The following NBEAL1 variants were observed in gnomAD, a reference collection of about 807,000 sequenced individuals.
NBEAL1 encodes neurobeachin like 1, also known as neurobeachin-like protein 1.
A neutral mutation model predicts 351.3 loss-of-function variants in NBEAL1; 273 were observed. The ratio of observed to expected loss-of-function variants is 0.78; its 90% CI spans 0.70 to 0.86. NBEAL1 has a LOEUF of 0.86. NBEAL1 is among the 40% of genes least tolerant of loss of function. The pLI is 0.00. For missense variants in NBEAL1, 2,961 were observed against 3,201.3 expected, an observed-to-expected ratio of 0.92 and a Z score of 1.81; for synonymous variants, 1,050 against 1,086.4, an observed-to-expected ratio of 0.97 and a Z score of 0.66.
intron 12 of NBEAL1, among the ~76,000 whole-genome samples, chr2:203,105,536 T>C (rs2062418355): frequency 6.6e-6 from 1 of 152,142 alleles, no homozygotes; most frequent in African/African-American, 2.4e-5. Flanking sequence ...TTGAAAGGTC[T>C]GCTGTTAGCC....
chr2:203,132,237 C>T, intron 26 of NBEAL1, 105 bp downstream of exon 26: 1 of 743,624 alleles, frequency 1.3e-6, no homozygotes. Context: ...TTATTTGATT[C>T]AGCAGGGCCT....
At chr2:203,104,175 A>G (rs763845820) in intron 12 of NBEAL1, among the ~76,000 whole-genome samples, 15 of 152,072 alleles carry the variant, frequency 9.9e-5, no homozygotes, top group East Asian at 1.9e-4. Context: ...TTCTACCTCA[A>G]TGATCTGTCC....
intron 3 of NBEAL1, among the ~76,000 whole-genome samples, chr2:203,048,190 T>G (rs933959122): frequency 1.4e-4 from 21 of 152,012 alleles, no homozygotes; most frequent in Non-Finnish European, 2.9e-4. Context: ...GAGACCATCC[T>G]GGCCAACATG....
chr2:203,065,484 G>A (rs2061567507), intron 6 of NBEAL1, among the ~76,000 whole-genome samples: 1 of 152,188 alleles, frequency 6.6e-6, no homozygotes, highest in African/African-American at 2.4e-5. Flanking sequence ...GGGGCGCGGT[G>A]GCTCACGCCT....
At chr2:203,194,196 G>A (rs1198872029) in intron 47 of NBEAL1, among the ~76,000 whole-genome samples, 3 of 152,064 alleles carry the variant, frequency 2.0e-5, no homozygotes, top group African/African-American at 7.2e-5. Context: ...TGTGACAATC[G>A]AGATGATATG....
intron 51 of NBEAL1, among the ~76,000 whole-genome samples, chr2:203,207,342 C>G (rs1255245548): frequency 2.0e-5 from 3 of 152,026 alleles, no homozygotes; most frequent in African/African-American, 7.2e-5. Flanking sequence ...TGAGGGGCGC[C>G]TCTGCCCGGC....
rs761928361 is a variant in NBEAL1 at position 203,108,079 on chromosome 2, C to A, written c.1840C>A (p.Gln614Lys). The A allele has an allele frequency of 3.2e-6, 5 of 1,552,104 alleles. No homozygotes were observed. The Admixed American group carries it at 7.8e-5, about 24-fold the overall frequency. Residue 614 changes from glutamine (Q) to lysine (K), a missense_variant, in exon 14 of 56, where the codon CAG becomes AAG. Transcript: ENST00000683969. ...GGCAGGAATTTCTGTGCCTCCCATA[C>A]AGAAATGGCCAGGGTCTGCCTTTTC... is the stretch of plus-strand genomic sequence containing the variant. ...SMAGISVPPI[Q>K]KWPGSAFSFS...
chr2:203,041,671 G>C, intron 2 of NBEAL1, 94 bp from the exon 3 acceptor site: 1 of 755,288 alleles, frequency 1.3e-6, no homozygotes, highest in Non-Finnish European at 2.2e-6. Context: ...AGATTTCATA[G>C]TATTGATTCT....
intron 3 of NBEAL1, among the ~76,000 whole-genome samples, chr2:203,046,053 G>A (rs919462105): frequency 6.6e-6 from 1 of 152,122 alleles, no homozygotes; most frequent in East Asian, 1.9e-4. Flanking sequence ...AATGGCTCAA[G>A]CCTATAATCC....
rs180974756 is a variant in NBEAL1, at chr2:203,119,334, G to T, written c.2593-2920G>T. Among the ~76,000 whole-genome samples, 37 of 151,288 alleles carry T rather than the reference G, an allele frequency of 2.4e-4. No individual in the cohort carries two copies. The Middle Eastern group carries it at 0.014, about 56-fold the overall frequency. ...AGGTCTCACTATGTTGCCTAGGCTG[G>T]TGTTGAACTCCTGGGCTCAAGTGAT... On this transcript the variant is annotated intron_variant, in intron 18 of 55. Coordinates refer to ENST00000683969, the MANE Select transcript of NBEAL1 (RefSeq NM_001378026.1).
At chr2:203,103,819 T>C (rs1178776412) in intron 12 of NBEAL1, among the ~76,000 whole-genome samples, 3 of 152,198 alleles carry the variant, frequency 2.0e-5, no homozygotes, top group Non-Finnish European at 2.9e-5. Flanking sequence ...TCTCATTAGT[T>C]TCAAATAATT....
intron 55 of NBEAL1, among the ~76,000 whole-genome samples, chr2:203,215,086 G>A (rs564930920): frequency 7.4e-4 from 113 of 152,180 alleles, no homozygotes; most frequent in African/African-American, 2.5e-3. Flanking sequence ...GGCCTGGTGC[G>A]GTGGCTCACA....
At chr2:203,027,068 T>G (rs1392651523) in intron 2 of NBEAL1, among the ~76,000 whole-genome samples, 1 of 152,136 alleles carries the variant, frequency 6.6e-6, no homozygotes, top group Non-Finnish European at 1.5e-5. Context: ...TATAATTCAG[T>G]TTTTTTGTGA....
chr2:203,116,657 G>T (rs1481447747), intron 18 of NBEAL1, among the ~76,000 whole-genome samples: 2 of 151,808 alleles, frequency 1.3e-5, no homozygotes, highest in South Asian at 2.1e-4. Context: ...AGTTTTAGTG[G>T]CATGCGCCTG....
chr2:203,071,952 C>T (rs375254792), intron 7 of NBEAL1, among the ~76,000 whole-genome samples: 3 of 152,118 alleles, frequency 2.0e-5, no homozygotes, highest in East Asian at 1.9e-4. Flanking sequence ...TGTCACCCCC[C>T]ACCCCAGGTC....
chr2:203,047,002 C>T (rs968615050), intron 3 of NBEAL1, among the ~76,000 whole-genome samples: 1 of 152,090 alleles, frequency 6.6e-6, no homozygotes, highest in East Asian at 1.9e-4. Flanking sequence ...TGGAGAAACC[C>T]CGTCTCTACT....
chr2:203,055,964 G>T (rs1209742074), intron 4 of NBEAL1, among the ~76,000 whole-genome samples: 1 of 152,062 alleles, frequency 6.6e-6, no homozygotes, highest in Non-Finnish European at 1.5e-5. Flanking sequence ...ATCCTTAAAA[G>T]GAAACCGTAA....
At chr2:203,201,741 A>ATTAGCTTTTTCCAC in intron 50 of NBEAL1, 26 bp downstream of exon 50, 1 of 1,538,208 alleles carries the variant, frequency 6.5e-7, no homozygotes, top group Non-Finnish European at 8.8e-7. Context: ...TTTTCCAAAA[A>ATTAGCTTTTTCCAC]TGCTCAAAAA....
chr2:203,212,475 C>T (rs1256319196), intron 54 of NBEAL1, among the ~76,000 whole-genome samples: 4 of 151,534 alleles, frequency 2.6e-5, no homozygotes, highest in Non-Finnish European at 5.9e-5. Context: ...GGTGTGGTGG[C>T]GGGCACCTGT....
Sources: allele counts gnomAD v4.1 joint callset (sites outside exome capture counted in the v4.1 genomes callset), GRCh38; gene constraint gnomAD v4.1.1; transcripts MANE v1.5; gene names NCBI Gene and HGNC (gene_info 2026-07-23, HGNC 2026-07-21).